The following VPS26A variants were observed in gnomAD, a reference collection of about 807,000 sequenced individuals.
VPS26A encodes the protein vacuolar protein sorting-associated protein 26A.
In VPS26A, 22 loss-of-function variants were observed where a neutral mutation model predicts 42.4. That is an observed-to-expected ratio of 0.52 (90% confidence interval 0.37 to 0.74). The LOEUF is 0.74. Ranked by LOEUF, VPS26A falls within the 30% of genes least tolerant of loss-of-function variation. The pLI is 0.00. For synonymous variants in VPS26A, 110 were observed against 123.5 expected (o/e 0.89, Z 0.73); for missense variants, 276 against 379.2 (o/e 0.73, Z 2.26).
At chr10:69,163,363 T>C (rs1406985458) in intron 6 of VPS26A, among the ~76,000 whole-genome samples, 2 of 152,214 alleles carry the variant, frequency 1.3e-5, no homozygotes, top group African/African-American at 4.8e-5. Context: ...CAAGCTATCC[T>C]CCCACCTCTG....
Position 69,133,000 on chromosome 10 carries a change from G to A in VPS26A, c.106G>A (p.Val36Ile), listed in dbSNP as rs966829298. ...MAEMKTEDGKVEKHYLFYDGE... is the reference protein window; with the variant it reads ...MAEMKTEDGKIEKHYLFYDGE... ...AGAAATGAAAACTGAAGATGGCAAA[G>A]TAGAAAAACACTATCTCTTCTATGA... The change falls in exon 2 of 9, where the codon GTA becomes ATA. Residue 36 changes from valine (V) to isoleucine (I), a missense_variant. Transcript: ENST00000263559. 4.3e-6 allele frequency: 7 copies of A among 1,612,598 alleles called. No homozygotes were observed. In the African/African-American group the frequency reaches 8.0e-5, roughly 18 times the overall value.
intron 2 of VPS26A, among the ~76,000 whole-genome samples, chr10:69,142,363 A>C (rs530642944): frequency 5.7e-4 from 39 of 67,968 alleles, no homozygotes; most frequent in African/African-American, 1.1e-3. Flanking sequence ...TAATTAAAAA[A>C]ATTTTTTTTT....
At chr10:69,159,530 A>G (rs1011752206) in intron 5 of VPS26A, among the ~76,000 whole-genome samples, 1 of 152,232 alleles carries the variant, frequency 6.6e-6, no homozygotes, top group African/African-American at 2.4e-5. Flanking sequence ...TTGGATATGA[A>G]TAGAAAAGAG....
intron 2 of VPS26A, among the ~76,000 whole-genome samples, chr10:69,151,446 C>T (rs1413394660): frequency 3.3e-5 from 3 of 91,100 alleles, no homozygotes; most frequent in South Asian, 3.9e-4. Flanking sequence ...GGCGAGACTC[C>T]GTCTCAAAAA....
chr10:69,150,257 T>C (rs1841271900), intron 2 of VPS26A, among the ~76,000 whole-genome samples: 1 of 151,240 alleles, frequency 6.6e-6, no homozygotes, highest in African/African-American at 2.4e-5. Context: ...GGTTTCACCA[T>C]GTTGGTCAGG....
intron 2 of VPS26A, among the ~76,000 whole-genome samples, chr10:69,139,313 A>T (rs1030166358): frequency 1.3e-5 from 2 of 151,656 alleles, no homozygotes; most frequent in East Asian, 1.9e-4. Flanking sequence ...CTATTTATTT[A>T]TTATTTTTGA....
chr10:69,157,296 C>G, intron 4 of VPS26A, 133 bp downstream of exon 4: 1 of 1,178,314 alleles, frequency 8.5e-7, no homozygotes, highest in Non-Finnish European at 1.2e-6. Flanking sequence ...CTGTCACATA[C>G]TTTGGCTAAT....
chr10:69,171,323 A>C lies in VPS26A; in HGVS notation c.*54A>C. 7 of 1,534,626 alleles carry C rather than the reference A, an allele frequency of 4.6e-6. No individual in the cohort carries two copies. The highest frequency in any genetic ancestry group is 6.2e-6 in the Non-Finnish European group (7 of 1,125,934). ...AAAACTCCTGTAACCCTTGAGATTAAGTTCAGCAGGTTAAAGATGGTTGCA... is the reference window on the plus strand; with the variant it reads ...AAAACTCCTGTAACCCTTGAGATTACGTTCAGCAGGTTAAAGATGGTTGCA... On this transcript the variant is annotated 3_prime_UTR_variant, in exon 9 of 9. Transcript: ENST00000263559.
chr10:69,146,649 A>G (rs1841167278), intron 2 of VPS26A, among the ~76,000 whole-genome samples: 1 of 152,144 alleles, frequency 6.6e-6, no homozygotes. Context: ...GATATTTTGT[A>G]TAAGTGGTCA....
intron 1 of VPS26A, among the ~76,000 whole-genome samples, chr10:69,127,027 T>G (rs1455316210): frequency 6.6e-6 from 1 of 150,968 alleles, no homozygotes; most frequent in Non-Finnish European, 1.5e-5. Flanking sequence ...GGCGCGATCT[T>G]GGCTCACTGC....
intron 2 of VPS26A, among the ~76,000 whole-genome samples, chr10:69,147,578 A>G (rs1841189721): frequency 6.6e-6 from 1 of 152,132 alleles, no homozygotes; most frequent in African/African-American, 2.4e-5. Context: ...ATGAGTTAAT[A>G]TTTGTGATGG....
chr10:69,137,943 A>G (rs1840955704), intron 2 of VPS26A, among the ~76,000 whole-genome samples: 2 of 151,940 alleles, frequency 1.3e-5, no homozygotes, highest in Admixed American at 1.3e-4. Context: ...TTAGAGTTGT[A>G]CAACTATCAC....
chr10:69,146,166 C>T (rs1048479224), intron 2 of VPS26A, among the ~76,000 whole-genome samples: 4 of 152,168 alleles, frequency 2.6e-5, no homozygotes, highest in Non-Finnish European at 4.4e-5. Context: ...GTGATACGGG[C>T]TCACTGCAAC....
At chr10:69,136,306 C>T (rs1351692194) in intron 2 of VPS26A, among the ~76,000 whole-genome samples, 1 of 151,614 alleles carries the variant, frequency 6.6e-6, no homozygotes, top group Non-Finnish European at 1.5e-5. Context: ...GCTCTGTCCC[C>T]CAGGCTGGAG....
chr10:69,158,592 G>C (rs1564684439), intron 5 of VPS26A, among the ~76,000 whole-genome samples: 2 of 151,936 alleles, frequency 1.3e-5, no homozygotes, highest in African/African-American at 4.8e-5. Context: ...ATTTCTTGGG[G>C]GGAGGGGGAA....
chr10:69,124,256 G>A lies in VPS26A; in HGVS notation c.-22G>A, dbSNP rs1177617396. 1.3e-5 allele frequency: 17 copies of A among 1,285,082 alleles called. No homozygotes were observed. The highest frequency in any genetic ancestry group is 1.7e-5 in the Non-Finnish European group (17 of 1,010,934). 79.6% of individuals were successfully genotyped at this position (1,285,082 alleles called of 1,614,324 possible). A position where few individuals can be genotyped will look rare whatever the true frequency, so the allele number is the denominator to read the frequency against. ...TGAGGGAAGAGGAGTGGAGTAGGGG[G>A]GACGCGGCGGCGGCGTTGACAATGG... On this transcript the variant is annotated 5_prime_UTR_variant, in exon 1 of 9. Transcript: ENST00000263559.
rs755955852 is a variant in VPS26A at position 69,172,603 on chromosome 10, ACC to A, written c.*1335_*1336del. 0.011 allele frequency: 1,726 copies of A among 152,634 alleles called. 10 individuals are homozygous for A. The highest frequency in any genetic ancestry group is 0.024 in the Middle Eastern group (7 of 294). 9.5% of individuals were successfully genotyped at this position (152,634 alleles called of 1,614,324 possible). ...TGGCACTTTGATAAAATGGTCAGGA[ACC>A]AACTTTACTGGCAAAAGGGTCCATG... On this transcript the variant is annotated 3_prime_UTR_variant, in exon 9 of 9. Transcript: ENST00000263559.
Position 69,155,530 on chromosome 10 carries a change from C to G in VPS26A, c.154-282C>G, listed in dbSNP as rs541358016. On this transcript the variant is annotated intron_variant, in intron 2 of 8. Coordinates refer to ENST00000263559, the MANE Select transcript of VPS26A (RefSeq NM_004896.5). ...CAAATATGGATAGTTGAAGGCTGTT[C>G]CTTTCTTTGAGTCTTTTTATAGTTC... Among the ~76,000 whole-genome samples the G allele has an allele frequency of 5.9e-5, 9 of 152,240 alleles. No homozygotes were observed. In the South Asian group the frequency reaches 1.7e-3, roughly 28 times the overall value.
intron 6 of VPS26A, among the ~76,000 whole-genome samples, chr10:69,163,554 T>C (rs1589363797): frequency 6.6e-6 from 1 of 152,368 alleles, no homozygotes; most frequent in East Asian, 1.9e-4. Context: ...TAAAAACTTT[T>C]AGCTCATTTG....
Sources: gnomAD v4.1 joint callset for allele counts (sites outside exome capture counted in the v4.1 genomes callset) on GRCh38, gnomAD v4.1.1 for gene constraint, MANE v1.5 for transcripts, NCBI Gene and HGNC (gene_info 2026-07-23, HGNC 2026-07-21) for gene names.